The following GLYR1 variants were observed in gnomAD, a reference collection of about 807,000 sequenced individuals.
GLYR1 encodes glyoxylate reductase 1 homolog, also known as cytokine-like nuclear factor N-PAC.
In GLYR1, 21 loss-of-function variants were observed where a neutral mutation model predicts 72.7. The observed-to-expected ratio is 0.29, with a 90% confidence interval of 0.20 to 0.42. The LOEUF (loss-of-function observed/expected upper bound fraction) is 0.42, where lower values mean the gene tolerates loss of function less well. Among genes scored for constraint, GLYR1 ranks in the 10% least tolerant of loss-of-function variants. The pLI, the probability that GLYR1 is intolerant of heterozygous loss-of-function variation, is 1.00. For missense variants in GLYR1, 594 were observed against 712.1 expected, an observed-to-expected ratio of 0.83 and a Z score of 1.89; for synonymous variants, 392 against 270.2, an observed-to-expected ratio of 1.45 and a Z score of -4.42.
intron 5 of GLYR1, among the ~76,000 whole-genome samples, chr16:4,829,986 T>G (rs527262833): frequency 2.4e-4 from 37 of 152,144 alleles, no homozygotes; most frequent in African/African-American, 8.4e-4. Flanking sequence ...AAAATTTTAA[T>G]AGAGATGGGG....
chr16:4,833,701 C>A (rs2084940826), intron 3 of GLYR1, among the ~76,000 whole-genome samples: 1 of 151,880 alleles, frequency 6.6e-6, no homozygotes, highest in South Asian at 2.1e-4. Flanking sequence ...GAACATACAC[C>A]TCCGATATGT....
At chr16:4,837,916 C>T (rs373148281) in intron 3 of GLYR1, among the ~76,000 whole-genome samples, 38 of 149,430 alleles carry the variant, frequency 2.5e-4, no homozygotes, top group Admixed American at 4.7e-4. Flanking sequence ...GGCGACAGAG[C>T]GAGACTCCAT....
chr16:4,840,664 G>A (rs1473554192), intron 3 of GLYR1, among the ~76,000 whole-genome samples: 3 of 152,182 alleles, frequency 2.0e-5, no homozygotes, highest in African/African-American at 7.2e-5. Flanking sequence ...CTACACAAGA[G>A]ATACTACTTT....
intron 3 of GLYR1, among the ~76,000 whole-genome samples, chr16:4,842,302 G>C (rs1359232126): frequency 6.6e-6 from 1 of 151,612 alleles, no homozygotes; most frequent in Non-Finnish European, 1.5e-5. Context: ...CATCTCTTCA[G>C]TCAGTCTTCT....
chr16:4,806,963 C>A (rs1449103384), intron 15 of GLYR1, among the ~76,000 whole-genome samples: 2 of 151,372 alleles, frequency 1.3e-5, no homozygotes. Flanking sequence ...CCCGCCACCA[C>A]GCCTGGCTAA....
In GLYR1 at chr16:4,823,830, G is replaced by A. The variant is rs147642211; in HGVS notation, c.615C>T (p.Thr205=). 92 of 1,613,588 alleles carry A rather than the reference G, an allele frequency of 5.7e-5. No individual in the cohort carries two copies. In the Middle Eastern group the frequency reaches 1.2e-3, roughly 20 times the overall value. ...GPMAAFKWQP[T]ASEPVKDADP... ...CAGGAGAGCTCCTTACCTCGCTTGC[G>A]GTTGGCTGCCATTTAAACGCGGCCA... Residue 205 remains threonine, a synonymous_variant, in exon 6 of 16, where the codon ACC becomes ACT. Transcript: ENST00000321919.
intron 9 of GLYR1, among the ~76,000 whole-genome samples, chr16:4,818,456 A>G (rs1433004704): frequency 1.3e-5 from 2 of 149,900 alleles, no homozygotes; most frequent in Non-Finnish European, 3.0e-5. Context: ...CAGCACACCT[A>G]ATTTTTTGTG....
chr16:4,822,802 G>C, intron 7 of GLYR1, 73 bp downstream of exon 7: 1 of 1,302,898 alleles, frequency 7.7e-7, no homozygotes, highest in Middle Eastern at 1.8e-4. Context: ...CAGATGGCCA[G>C]GCCAGGACCC....
intron 1 of GLYR1, 200 bp downstream of exon 1, chr16:4,847,028 C>T (rs1475497437): frequency 5.3e-6 from 3 of 568,120 alleles, no homozygotes; most frequent in Non-Finnish European, 9.2e-6. Context: ...CGGTGCCCGA[C>T]GTGGCCACCC....
chr16:4,822,118 G>T (rs1037737228), intron 7 of GLYR1, among the ~76,000 whole-genome samples: 1 of 110,076 alleles, frequency 9.1e-6, no homozygotes, highest in African/African-American at 3.8e-5. Flanking sequence ...ATAGAGTCTC[G>T]CTCTGTCGCC....
intron 11 of GLYR1, 25 bp downstream of exon 11, chr16:4,814,512 C>G (rs373508419): frequency 6.3e-7 from 1 of 1,579,134 alleles, no homozygotes; most frequent in Non-Finnish European, 8.7e-7. Context: ...CCCGGAGTTG[C>G]TGAGGGGAGG....
At chr16:4,835,026 T>C (rs578079643) in intron 3 of GLYR1, among the ~76,000 whole-genome samples, 1 of 152,220 alleles carries the variant, frequency 6.6e-6, no homozygotes, top group African/African-American at 2.4e-5. Context: ...GTATCAAGGA[T>C]GAAGCTTAAG....
rs538290929 is a variant in GLYR1 at position 4,811,596 on chromosome 16, CAAG to C, written c.1462+24_1462+26del. The C allele has an allele frequency of 7.1e-4, 1,150 of 1,612,204 alleles. 19 individuals carry two copies. The South Asian group carries it at 0.012, about 17-fold the overall frequency. On this transcript the variant is annotated intron_variant, in intron 14 of 15. Coordinates refer to ENST00000321919, the MANE Select transcript of GLYR1 (RefSeq NM_032569.4). ...CCCTGCTCTAATCAAACACCAAATG[CAAG>C]AAGAGGGGCCAAAAACAACTCACTT...
chr16:4,842,280 A>T (rs1008520938), intron 3 of GLYR1, among the ~76,000 whole-genome samples: 1 of 151,690 alleles, frequency 6.6e-6, no homozygotes, highest in Admixed American at 6.6e-5. Context: ...AAACAAACAG[A>T]AAAACAAATC....
chr16:4,834,188 C>T (rs2084973706), intron 3 of GLYR1, among the ~76,000 whole-genome samples: 1 of 151,990 alleles, frequency 6.6e-6, no homozygotes, highest in African/African-American at 2.4e-5. Context: ...AGATGTCAGG[C>T]AGCGAACCAC....
intron 15 of GLYR1, among the ~76,000 whole-genome samples, chr16:4,809,216 G>C (rs140405914): frequency 0.013 from 1,680 of 128,636 alleles, 51 homozygotes; most frequent in African/African-American, 0.046. Context: ...TTGCGATGGA[G>C]TCTCACTCTG....
chr16:4,805,363 C>G, intron 15 of GLYR1, 53 bp from the exon 16 acceptor site: 1 of 1,478,288 alleles, frequency 6.8e-7, no homozygotes, highest in Non-Finnish European at 9.4e-7. Flanking sequence ...CCTTCAAGAC[C>G]TAGACCTGAT....
chr16:4,816,637 T>A (rs923915064), intron 10 of GLYR1, among the ~76,000 whole-genome samples: 3 of 152,188 alleles, frequency 2.0e-5, no homozygotes, highest in Non-Finnish European at 4.4e-5. Context: ...TTTTATTAGT[T>A]CTAGATTTAC....
intron 3 of GLYR1, among the ~76,000 whole-genome samples, chr16:4,844,359 C>G (rs937305685): frequency 1.3e-5 from 2 of 152,148 alleles, no homozygotes; most frequent in Non-Finnish European, 2.9e-5. Flanking sequence ...TAGTTTTACA[C>G]ATGAGAACAT....
Sources: gnomAD v4.1 joint callset for allele counts (sites outside exome capture counted in the v4.1 genomes callset) on GRCh38, gnomAD v4.1.1 for gene constraint, MANE v1.5 for transcripts, NCBI Gene and HGNC (gene_info 2026-07-23, HGNC 2026-07-21) for gene names.